The following CEP89 variants were observed in gnomAD, a reference collection of about 807,000 sequenced individuals.
CEP89 encodes centrosomal protein of 89 kDa.
Under a neutral mutation model 97.6 loss-of-function variants are expected in CEP89, and 95 were observed. That is an observed-to-expected ratio of 0.97 (90% confidence interval 0.82 to 1.15). The LOEUF is 1.15. CEP89 is among the 50% of genes most tolerant of loss of function. CEP89 has a pLI of 0.00. For synonymous variants in CEP89, 354 were observed against 349.1 expected, an observed-to-expected ratio of 1.01 and a Z score of -0.16; for missense variants, 869 against 947.7, an observed-to-expected ratio of 0.92 and a Z score of 1.09.
Position 32,879,210 on chromosome 19 carries a change from G to C in CEP89, c.2304C>G (p.Gly768=). 6.2e-7 allele frequency: 1 copy of C among 1,614,082 alleles called. No homozygotes were observed. Among genetic ancestry groups the C allele is most frequent in the Non-Finnish European group, 8.5e-7 (1 of 1,179,978 alleles). The change falls in exon 19 of 19, where the codon GGC becomes GGG. Residue 768 remains glycine, a synonymous_variant. Transcript: ENST00000305768. Reference sequence around the variant, plus strand: ...TCAGGTCATAGGAGCAGACATCGCAGCCGTCCAGCAGGTCTGCCTGAGAGA... The same window carrying C: ...TCAGGTCATAGGAGCAGACATCGCACCCGTCCAGCAGGTCTGCCTGAGAGA... ...NGVSQADLLD[G]CDVCSYDLKS...
Position 32,971,923 on chromosome 19 carries a change from C to G in CEP89, c.-49G>C. 6.4e-7 allele frequency: 1 copy of G among 1,559,606 alleles called. No individual in the cohort carries two copies. Among genetic ancestry groups the G allele is most frequent in the Non-Finnish European group, 8.7e-7 (1 of 1,149,370 alleles). On this transcript the variant is annotated 5_prime_UTR_variant, in exon 1 of 19. Transcript: ENST00000305768. ...CCGGGGCCTGGACTCATCAGCAGAT[C>G]TATCCACAGCCAGGGACCACTCCCT...
In CEP89 at chr19:32,939,474, T is replaced by G. The variant is rs569536384; in HGVS notation, c.624+383A>C. ...GGCAGATCACTTGAGCTCAGGAGTT[T>G]GAGACCAGCCTGGGTAATATGGTGA... On this transcript the variant is annotated intron_variant, in intron 6 of 18. Coordinates refer to ENST00000305768, the MANE Select transcript of CEP89 (RefSeq NM_032816.5). Among the ~76,000 whole-genome samples the G allele has an allele frequency of 5.3e-5, 8 of 152,084 alleles. No homozygotes were observed. In the South Asian group the frequency reaches 1.7e-3, roughly 32 times the overall value.
intron 5 of CEP89, among the ~76,000 whole-genome samples, chr19:32,943,518 G>A (rs978759465): frequency 3.9e-5 from 6 of 152,156 alleles, no homozygotes; most frequent in Middle Eastern, 3.4e-3. Flanking sequence ...CCAACACTGC[G>A]GGAAGCCGAG....
At chr19:32,899,436 T>C (rs959245712) in intron 16 of CEP89, among the ~76,000 whole-genome samples, 10 of 152,060 alleles carry the variant, frequency 6.6e-5, no homozygotes, top group Admixed American at 6.6e-4. Context: ...GCCAGGGTAA[T>C]ACAGTTGAAA....
rs1284879923 is a variant in CEP89 at position 32,881,806 on chromosome 19, A to G, written c.2135+38T>C. On this transcript the variant is annotated intron_variant, in intron 18 of 18. Coordinates refer to ENST00000305768, the MANE Select transcript of CEP89 (RefSeq NM_032816.5). ...GCAGAACCCTCAATCAGACATTCAGACATCTCTGCGGGCCATGGCGCAGGG... is the reference window on the plus strand; with the variant it reads ...GCAGAACCCTCAATCAGACATTCAGGCATCTCTGCGGGCCATGGCGCAGGG... 3 of 1,549,502 alleles carry G rather than the reference A, an allele frequency of 1.9e-6. No homozygotes were observed. In the Admixed American group the frequency reaches 5.5e-5, roughly 29 times the overall value.
chr19:32,883,264 C>A (rs1301129813), intron 17 of CEP89, among the ~76,000 whole-genome samples: 1 of 152,022 alleles, frequency 6.6e-6, no homozygotes. Context: ...TCTCTCTGAC[C>A]CAAGAATTGT....
chr19:32,934,347 G>A (rs889214723), intron 7 of CEP89, among the ~76,000 whole-genome samples: 1 of 152,212 alleles, frequency 6.6e-6, no homozygotes, highest in Admixed American at 6.5e-5. Context: ...AGCACCTGAA[G>A]GCACCAGGGT....
At chr19:32,922,654 C>A (rs1279933486) in intron 12 of CEP89, among the ~76,000 whole-genome samples, 1 of 152,084 alleles carries the variant, frequency 6.6e-6, no homozygotes, top group Non-Finnish European at 1.5e-5. Flanking sequence ...TCGAGACCAG[C>A]CTGGCCAACA....
intron 11 of CEP89, among the ~76,000 whole-genome samples, chr19:32,925,419 T>C (rs1346398486): frequency 6.6e-6 from 1 of 151,772 alleles, no homozygotes; most frequent in East Asian, 1.9e-4. Context: ...CATCCTAGAA[T>C]TAAGAAGCAT....
chr19:32,929,315 G>C (rs546782695), intron 9 of CEP89, among the ~76,000 whole-genome samples: 2 of 152,230 alleles, frequency 1.3e-5, no homozygotes, highest in East Asian at 1.9e-4. Context: ...TTAAAAGAGA[G>C]AGAGGGCCGG....
intron 18 of CEP89, among the ~76,000 whole-genome samples, chr19:32,880,962 A>C (rs1337845405): frequency 2.0e-5 from 3 of 152,174 alleles, no homozygotes; most frequent in Non-Finnish European, 2.9e-5. Context: ...GAGGATGTGA[A>C]GGACCCTCAA....
intron 14 of CEP89, among the ~76,000 whole-genome samples, chr19:32,903,898 C>A (rs1969835366): frequency 6.6e-6 from 1 of 152,142 alleles, no homozygotes; most frequent in African/African-American, 2.4e-5. Flanking sequence ...TGGGGTCCCC[C>A]ACTGTAATCC....
At chr19:32,971,542 A>C in intron 1 of CEP89, 1 of 575,566 alleles carries the variant, frequency 1.7e-6, no homozygotes, top group Admixed American at 3.0e-5. Context: ...CTGTAGTCTC[A>C]GCTCCTCGGG....
intron 4 of CEP89, among the ~76,000 whole-genome samples, chr19:32,952,833 G>C (rs1224714048): frequency 6.8e-6 from 1 of 148,130 alleles, no homozygotes; most frequent in East Asian, 2.0e-4. Flanking sequence ...GAGTCCAGGA[G>C]GTTGAGGCTA....
intron 16 of CEP89, 28 bp downstream of exon 16, chr19:32,899,829 T>C: frequency 6.3e-7 from 1 of 1,591,988 alleles, no homozygotes; most frequent in Non-Finnish European, 8.6e-7. Context: ...ACTCGCAGTT[T>C]ACTTGATGTA....
intron 12 of CEP89, among the ~76,000 whole-genome samples, chr19:32,922,076 G>A (rs1353054820): frequency 6.6e-6 from 1 of 152,162 alleles, no homozygotes; most frequent in Non-Finnish European, 1.5e-5. Flanking sequence ...ACAGGCATTT[G>A]CTGTTGCTGT....
Position 32,953,925 on chromosome 19 carries a change from G to A in CEP89, c.306-124C>T, listed in dbSNP as rs1727923398. 4 of 667,380 alleles carry A rather than the reference G, an allele frequency of 6.0e-6. No individual in the cohort carries two copies. The African/African-American group carries it at 7.4e-5, about 12-fold the overall frequency. The allele number at this position is 667,380 out of a possible 1,614,324, so 41.3% of individuals were successfully genotyped here. ...GCTCTGTCGCCCAGGCTGGAGTGCAGTGGCACAATCTCGGCTCACTGCAAG... is the reference window on the plus strand; with the variant it reads ...GCTCTGTCGCCCAGGCTGGAGTGCAATGGCACAATCTCGGCTCACTGCAAG... On this transcript the variant is annotated intron_variant, in intron 3 of 18. Coordinates refer to ENST00000305768, the MANE Select transcript of CEP89 (RefSeq NM_032816.5).
At position 32,903,637 on chromosome 19, in the gene CEP89, G is replaced by T. The variant is rs112436342; in HGVS notation, c.1566-2225C>A. On this transcript the variant is annotated intron_variant, in intron 14 of 18. Coordinates refer to ENST00000305768, the MANE Select transcript of CEP89 (RefSeq NM_032816.5). ...TTAGATTGTAGAAGGATAGATTTGT[G>T]AAGTTGAAGAGAGATAGTAATAGAC... 6.9e-3 allele frequency among the ~76,000 whole-genome samples: 1,049 copies of T among 152,298 alleles called. 17 individuals carry two copies. Among genetic ancestry groups the T allele is most frequent in the African/African-American group, 0.023 (973 of 41,558 alleles).
In CEP89 at chr19:32,931,483, C is replaced by G. The variant is rs780794863; in HGVS notation, c.975G>C (p.Leu325Phe). The change falls in exon 9 of 19, where the codon TTG becomes TTC. Residue 325 changes from leucine (L) to phenylalanine (F), a missense_variant. Physicochemically the swap from Leu to Phe is conservative, Grantham distance 22 (BLOSUM62 0). Transcript: ENST00000305768. ...NDGLKMTVHR[L>F]NVELSRYQTK... ...TCTGATATCGACTGAGTTCTACATTCAAACGATGGACAGTCATTTTCAATC... is the reference window on the plus strand; with the variant it reads ...TCTGATATCGACTGAGTTCTACATTGAAACGATGGACAGTCATTTTCAATC... 6.9e-6 allele frequency: 11 copies of G among 1,595,720 alleles called. No homozygotes were observed. Among genetic ancestry groups the G allele is most frequent in the Non-Finnish European group, 9.4e-6 (11 of 1,175,990 alleles).
Sources: allele counts gnomAD v4.1 joint callset (sites outside exome capture counted in the v4.1 genomes callset), GRCh38; gene constraint gnomAD v4.1.1; transcripts MANE v1.5; gene names NCBI Gene and HGNC (gene_info 2026-07-23, HGNC 2026-07-21).